PATJ: variants seen among roughly 807,000 people sequenced by gnomAD.
PATJ encodes inaD-like protein.
Under a neutral mutation model 224.9 loss-of-function variants are expected in PATJ, and 190 were observed. That is an observed-to-expected ratio of 0.84 (90% confidence interval 0.75 to 0.95). The LOEUF (loss-of-function observed/expected upper bound fraction) is 0.95, where lower values mean the gene tolerates loss of function less well. PATJ is among the 40% of genes least tolerant of loss of function. The pLI is 0.00. For missense variants in PATJ, 2,121 were observed against 2,270.3 expected (o/e 0.93, Z 1.34); for synonymous variants, 769 against 820.3 (o/e 0.94, Z 1.07).
intron 26 of PATJ, among the ~76,000 whole-genome samples, chr1:61,924,571 A>T (rs551176371): frequency 6.4e-4 from 98 of 152,324 alleles, no homozygotes; most frequent in African/African-American, 2.3e-3. Flanking sequence ...TATTATTAAA[A>T]GGCTTGTACA....
intron 26 of PATJ, among the ~76,000 whole-genome samples, chr1:61,919,067 T>C (rs1673887830): frequency 6.6e-6 from 1 of 152,192 alleles, no homozygotes; most frequent in Admixed American, 6.5e-5. Context: ...TGATTAATCT[T>C]GAAAGTAATT....
intron 31 of PATJ, among the ~76,000 whole-genome samples, chr1:62,070,927 A>C (rs1392718527): frequency 2.0e-5 from 3 of 152,314 alleles, no homozygotes; most frequent in Middle Eastern, 6.8e-3. Context: ...ATTGTAACTG[A>C]ATCTAATAAC....
chr1:62,142,679 A>G (rs562190121), intron 41 of PATJ, among the ~76,000 whole-genome samples: 48 of 152,270 alleles, frequency 3.2e-4, no homozygotes, highest in African/African-American at 1.1e-3. Flanking sequence ...TGCTATGGAG[A>G]GGAAAACAGG....
intron 31 of PATJ, among the ~76,000 whole-genome samples, chr1:62,070,501 A>C (rs1256789866): frequency 6.6e-6 from 1 of 152,274 alleles, no homozygotes; most frequent in East Asian, 1.9e-4. Flanking sequence ...GAAATAAGAC[A>C]AAGTCGATCA....
intron 10 of PATJ, 35 bp from the exon 11 acceptor site, chr1:61,797,252 A>C (rs995248351): frequency 2.5e-6 from 4 of 1,586,044 alleles, no homozygotes; most frequent in Non-Finnish European, 3.5e-6. Context: ...TAGCTAATTT[A>C]AAACCTCTGC....
At chr1:61,838,995 T>C (rs891167999) in intron 17 of PATJ, among the ~76,000 whole-genome samples, 2 of 152,156 alleles carry the variant, frequency 1.3e-5, no homozygotes, top group African/African-American at 4.8e-5. Context: ...ATACTCTTAT[T>C]GTTGTCATTT....
rs973286359 is a variant in PATJ at position 61,909,039 on chromosome 1, G to A, written c.3492+557G>A. Among the ~76,000 whole-genome samples, 10 of 152,126 alleles carry A rather than the reference G, an allele frequency of 6.6e-5. 1 individual carries two copies. The highest frequency in any genetic ancestry group is 1.2e-4 in the Non-Finnish European group (8 of 68,040). On this transcript the variant is annotated intron_variant, in intron 25 of 43. Transcript: ENST00000642238. ...CTGTTGCCCAGTCTGGAGTGCAGTG[G>A]CACGATCTCAGCTCACTGCAATCTC...
intron 8 of PATJ, among the ~76,000 whole-genome samples, chr1:61,790,017 C>T (rs1000247077): frequency 2.0e-5 from 3 of 151,642 alleles, no homozygotes; most frequent in Non-Finnish European, 4.4e-5. Flanking sequence ...TACTCCTTTA[C>T]AGAAATGTTT....
At chr1:62,057,323 T>G (rs897444023) in intron 31 of PATJ, among the ~76,000 whole-genome samples, 6 of 152,230 alleles carry the variant, frequency 3.9e-5, no homozygotes, top group African/African-American at 1.4e-4. Flanking sequence ...GAGAGTCTGA[T>G]GAACTGAAAG....
chr1:62,105,474 C>T (rs901807815), intron 33 of PATJ, among the ~76,000 whole-genome samples: 5 of 152,142 alleles, frequency 3.3e-5, no homozygotes, highest in African/African-American at 1.2e-4. Flanking sequence ...TCTCCTCGTA[C>T]TACCTTAATA....
chr1:61,921,570 T>C (rs1350649524), intron 26 of PATJ, among the ~76,000 whole-genome samples: 1 of 152,216 alleles, frequency 6.6e-6, no homozygotes, highest in Non-Finnish European at 1.5e-5. Flanking sequence ...GGTACAAGCC[T>C]TTATTTTCAG....
intron 7 of PATJ, among the ~76,000 whole-genome samples, chr1:61,785,009 T>C (rs1648206434): frequency 6.6e-6 from 1 of 152,224 alleles, no homozygotes. Flanking sequence ...AGCACAGAGC[T>C]TTGTACGTAT....
chr1:62,113,927 GT>G, intron 34 of PATJ, 125 bp from the exon 35 acceptor site: 1 of 879,782 alleles, frequency 1.1e-6, no homozygotes, highest in Non-Finnish European at 1.8e-6. Flanking sequence ...GTCACTACCT[GT>G]TTGCCTTGAG....
chr1:62,025,237 A>G (rs1406529445), intron 29 of PATJ, among the ~76,000 whole-genome samples: 1 of 152,154 alleles, frequency 6.6e-6, no homozygotes, highest in East Asian at 1.9e-4. Context: ...TCATCCTTCA[A>G]ACGACTTTAG....
At chr1:61,969,078 G>A (rs914204586) in intron 27 of PATJ, among the ~76,000 whole-genome samples, 4 of 152,184 alleles carry the variant, frequency 2.6e-5, no homozygotes, top group South Asian at 2.1e-4. Context: ...TGAAGGCTGC[G>A]TAGTATTCCA....
At chr1:61,817,158 ATAGG>A (rs1656271407) in intron 14 of PATJ, among the ~76,000 whole-genome samples, 1 of 152,218 alleles carries the variant, frequency 6.6e-6, no homozygotes, top group African/African-American at 2.4e-5. Context: ...TACCGTGAAC[ATAGG>A]TAGGGGGAGA....
chr1:61,874,339 A>T (rs1291231909), intron 20 of PATJ, among the ~76,000 whole-genome samples: 1 of 152,110 alleles, frequency 6.6e-6, no homozygotes, highest in Non-Finnish European at 1.5e-5. Flanking sequence ...CTGGGATTAC[A>T]GCCATGCACC....
At chr1:61,795,377 C>A in intron 9 of PATJ, 90 bp from the exon 10 acceptor site, 1 of 655,362 alleles carries the variant, frequency 1.5e-6, no homozygotes, top group South Asian at 2.2e-5. Flanking sequence ...CCAGTCAACC[C>A]CGTTAGCTAA....
At position 61,796,718 on chromosome 1, in the gene PATJ, CTT is replaced by C. The variant is rs1161042986; in HGVS notation, c.1261-567_1261-566del. On this transcript the variant is annotated intron_variant, in intron 10 of 43. Coordinates refer to ENST00000642238, the MANE Select transcript of PATJ (RefSeq NM_001350145.3). ...TCTTTCTTTCTTTCTTTCTTTCTTT[CTT>C]TCTTTTTCTTTCTTTCTTTCTTTTT... Among the ~76,000 whole-genome samples the C allele has an allele frequency of 7.2e-4, 26 of 36,166 alleles. 1 individual carries two copies. Among genetic ancestry groups the C allele is most frequent in the African/African-American group, 1.6e-3 (23 of 14,242 alleles). 23.7% of individuals were successfully genotyped at this position (36,166 alleles called of 152,430 possible).
Sources: allele counts gnomAD v4.1 joint callset (sites outside exome capture counted in the v4.1 genomes callset), GRCh38; gene constraint gnomAD v4.1.1; transcripts MANE v1.5; gene names NCBI Gene and HGNC (gene_info 2026-07-23, HGNC 2026-07-21).